DENND1A: variants seen among roughly 807,000 people sequenced by gnomAD.
DENND1A encodes DENN domain containing 1A.
In DENND1A, 51 loss-of-function variants were observed where a neutral mutation model predicts 113.7. That is an observed-to-expected ratio of 0.45 (90% CI 0.36 to 0.57). The LOEUF (loss-of-function observed/expected upper bound fraction) is 0.57. DENND1A is among the 20% of genes least tolerant of loss of function. The pLI is 0.00. For missense variants in DENND1A, 1,258 were observed against 1,395.9 expected (o/e 0.90, Z 1.57); for synonymous variants, 565 against 570.8 (o/e 0.99, Z 0.14).
chr9:123,548,024 A>G (rs2056814247), intron 13 of DENND1A, among the ~76,000 whole-genome samples: 1 of 152,208 alleles, frequency 6.6e-6, no homozygotes, highest in African/African-American at 2.4e-5. Context: ...AGTGAGTCTC[A>G]GGATGGTGAA....
intron 2 of DENND1A, among the ~76,000 whole-genome samples, chr9:123,838,878 G>T (rs986618465): frequency 6.6e-6 from 1 of 152,166 alleles, no homozygotes; most frequent in African/African-American, 2.4e-5. Flanking sequence ...GCAGATAACG[G>T]AAATATTTTA....
intron 5 of DENND1A, among the ~76,000 whole-genome samples, chr9:123,684,592 T>C (rs560423714): frequency 1.1e-4 from 16 of 152,358 alleles, no homozygotes; most frequent in African/African-American, 3.6e-4. Flanking sequence ...CAAGGTTATA[T>C]GTGGTTCCTC....
intron 11 of DENND1A, among the ~76,000 whole-genome samples, chr9:123,596,962 G>A (rs1202342552): frequency 6.6e-6 from 1 of 152,196 alleles, no homozygotes; most frequent in African/African-American, 2.4e-5. Flanking sequence ...GTGTCTGGCA[G>A]TAGTTCAAAA....
intron 10 of DENND1A, among the ~76,000 whole-genome samples, chr9:123,610,870 G>A (rs926971863): frequency 2.0e-5 from 3 of 152,092 alleles, no homozygotes; most frequent in Non-Finnish European, 2.9e-5. Context: ...GATAGGCAAG[G>A]GAGGTTTCTA....
chr9:123,893,109 T>A lies in DENND1A; in HGVS notation c.18-14088A>T, dbSNP rs528857117. Among the ~76,000 whole-genome samples, 97 of 146,794 alleles carry A rather than the reference T, an allele frequency of 6.6e-4. 2 individuals are homozygous for A. Among genetic ancestry groups the A allele is most frequent in the African/African-American group, 1.0e-3 (42 of 40,588 alleles). On this transcript the variant is annotated intron_variant, in intron 1 of 23. Coordinates refer to ENST00000394215, the MANE Select transcript of DENND1A (RefSeq NM_001352964.2). ...CTATACGTACAGGATTATATGTTTT[T>A]AAAAAAAAAAAAGTGATTCAAAGAG...
chr9:123,412,982 G>A (rs1038096839), intron 19 of DENND1A, among the ~76,000 whole-genome samples: 5 of 152,184 alleles, frequency 3.3e-5, no homozygotes, highest in East Asian at 1.9e-4. Context: ...TCAGGAGTTC[G>A]AGACCAGCCT....
intron 5 of DENND1A, among the ~76,000 whole-genome samples, chr9:123,691,605 A>C (rs937758319): frequency 1.3e-5 from 2 of 151,352 alleles, no homozygotes; most frequent in Non-Finnish European, 2.9e-5. Context: ...GTAGAGATGA[A>C]ACTAGAGCAG....
intron 11 of DENND1A, among the ~76,000 whole-genome samples, chr9:123,592,070 G>C (rs956372390): frequency 6.6e-6 from 1 of 152,176 alleles, no homozygotes; most frequent in African/African-American, 2.4e-5. Context: ...CTGCACAGCT[G>C]TGTTGCGAGG....
intron 6 of DENND1A, among the ~76,000 whole-genome samples, chr9:123,675,267 G>T (rs551010827): frequency 1.3e-5 from 2 of 152,240 alleles, no homozygotes; most frequent in South Asian, 4.2e-4. Flanking sequence ...ATTTCCCAAA[G>T]TGTGTTCCAG....
chr9:123,462,642 C>A (rs1217746783), intron 13 of DENND1A, among the ~76,000 whole-genome samples: 1 of 152,054 alleles, frequency 6.6e-6, no homozygotes, highest in Non-Finnish European at 1.5e-5. Flanking sequence ...ACTAAAAATA[C>A]AAAAATTAGC....
At chr9:123,901,857 T>A (rs1851684295) in intron 1 of DENND1A, among the ~76,000 whole-genome samples, 2 of 151,748 alleles carry the variant, frequency 1.3e-5, no homozygotes, top group African/African-American at 2.4e-5. Context: ...ACAAAAAAAA[T>A]TAGCTGGGCA....
intron 12 of DENND1A, among the ~76,000 whole-genome samples, chr9:123,566,427 G>A (rs2136231810): frequency 6.6e-6 from 1 of 152,202 alleles, no homozygotes; most frequent in Non-Finnish European, 1.5e-5. Context: ...TACGAGCCCG[G>A]GTCTCTGCTC....
chr9:123,649,388 A>T lies in DENND1A; in HGVS notation c.618+2625T>A, dbSNP rs1589509566. 2.6e-5 allele frequency among the ~76,000 whole-genome samples: 4 copies of T among 152,184 alleles called. No homozygotes were observed. In the South Asian group the frequency reaches 8.3e-4, roughly 32 times the overall value. On this transcript the variant is annotated intron_variant, in intron 9 of 23. Transcript: ENST00000394215. The stretch of plus-strand genomic sequence containing the variant: ...CATTAATGAGTGACACTGGCTGCTA[A>T]TTTTTCTTTCTTGTGCAGTCTTTGT...
intron 1 of DENND1A, among the ~76,000 whole-genome samples, chr9:123,885,789 T>C (rs963188286): frequency 3.9e-5 from 6 of 152,158 alleles, no homozygotes; most frequent in Non-Finnish European, 7.4e-5. Flanking sequence ...ATGTTCTTTT[T>C]TTTTCTTTTC....
At chr9:123,671,421 T>C in intron 6 of DENND1A, 50 bp from the exon 7 acceptor site, 6 of 1,585,358 alleles carry the variant, frequency 3.8e-6, no homozygotes, top group Non-Finnish European at 5.2e-6. Flanking sequence ...GAGCCCTTAG[T>C]AAGATACCTG....
At chr9:123,416,046 T>A (rs1441168824) in intron 19 of DENND1A, among the ~76,000 whole-genome samples, 1 of 152,114 alleles carries the variant, frequency 6.6e-6, no homozygotes, top group Non-Finnish European at 1.5e-5. Flanking sequence ...GTGGCCCCGG[T>A]GCTCTAGAAG....
At position 123,380,194 on chromosome 9, in the gene DENND1A, C is replaced by T. The variant is rs770286223; in HGVS notation, c.*1238G>A. Reference sequence around the variant, plus strand: ...GGGTCGAAATGCTCACAATTTCCTGCGTGTCTCAGATGGTTGTTTTCTTAA... The same window carrying T: ...GGGTCGAAATGCTCACAATTTCCTGTGTGTCTCAGATGGTTGTTTTCTTAA... On this transcript the variant is annotated 3_prime_UTR_variant, in exon 24 of 24. Coordinates refer to ENST00000394215, the MANE Select transcript of DENND1A (RefSeq NM_001352964.2). 10 of 152,326 alleles carry T rather than the reference C, an allele frequency of 6.6e-5. No homozygotes were observed. The highest frequency in any genetic ancestry group is 2.4e-4 in the African/African-American group (10 of 41,416). The allele number at this position is 152,326 out of a possible 1,614,324, so 9.4% of individuals were successfully genotyped here.
At chr9:123,661,741 C>T (rs1426353960) in intron 8 of DENND1A, among the ~76,000 whole-genome samples, 2 of 152,112 alleles carry the variant, frequency 1.3e-5, no homozygotes, top group African/African-American at 4.8e-5. Context: ...GAGAAGAACA[C>T]TTTTTAAAAT....
intron 19 of DENND1A, among the ~76,000 whole-genome samples, chr9:123,424,621 T>C (rs1310552931): frequency 6.6e-6 from 1 of 152,168 alleles, no homozygotes. Flanking sequence ...TAGGCACCTA[T>C]GGGATAAAAT....
Sources: allele counts gnomAD v4.1 joint callset (sites outside exome capture counted in the v4.1 genomes callset), GRCh38; gene constraint gnomAD v4.1.1; transcripts MANE v1.5; gene names NCBI Gene and HGNC (gene_info 2026-07-23, HGNC 2026-07-21).